The following TMEM245 variants were observed in gnomAD, a reference collection of about 807,000 sequenced individuals.
TMEM245 encodes the protein protein CG-2.
TMEM245 carries 69 observed loss-of-function variants against 101.2 expected under a neutral mutation model. The observed-to-expected ratio is 0.68, with a 90% confidence interval of 0.56 to 0.83. TMEM245 has a LOEUF of 0.83. Ranked by LOEUF, TMEM245 falls within the 40% of genes least tolerant of loss-of-function variation. The probability of loss-of-function intolerance (pLI) is 0.00; values close to 1 mark genes in which losing one functional copy is unlikely to be tolerated. For synonymous variants in TMEM245, 537 were observed against 449.8 expected (o/e 1.19, Z -2.45); for missense variants, 1,075 against 1,092.8 (o/e 0.98, Z 0.23).
chr9:109,057,382 T>A, intron 11 of TMEM245, 60 bp from the exon 12 acceptor site: 1 of 1,569,418 alleles, frequency 6.4e-7, no homozygotes, highest in Non-Finnish European at 8.7e-7. Context: ...ACAGAAAGTA[T>A]AAATGTCACA....
chr9:109,072,612 T>C (rs1168898080), intron 9 of TMEM245, among the ~76,000 whole-genome samples: 2 of 152,206 alleles, frequency 1.3e-5, no homozygotes, highest in African/African-American at 4.8e-5. Flanking sequence ...CTACGGGTGG[T>C]GTTGAGGCTG....
rs374259398 is a variant in TMEM245, at chr9:109,057,230, A to G, written c.1815T>C (p.Ile605=). ...WLGDILDWQD[I]VSFVHENIET... ...CAATGTTCTCGTGAACAAAGGAAAC[A>G]ATATCCTGCCAGTCCAGAATGTCTC... The change falls in exon 12 of 18, where the codon ATT becomes ATC. Residue 605 remains isoleucine, a synonymous_variant. Transcript: ENST00000374586. 46 of 1,613,984 alleles carry G rather than the reference A, an allele frequency of 2.9e-5. No individual in the cohort carries two copies. Among genetic ancestry groups the G allele is most frequent in the Non-Finnish European group, 3.6e-5 (42 of 1,179,968 alleles).
At chr9:109,087,436 A>G in intron 5 of TMEM245, 94 bp from the exon 6 acceptor site, 1 of 1,210,042 alleles carries the variant, frequency 8.3e-7, no homozygotes, top group Non-Finnish European at 1.1e-6. Context: ...CCTTTCTAAA[A>G]CAACAAAGCT....
At chr9:109,109,655 G>A (rs1830517850) in intron 1 of TMEM245, among the ~76,000 whole-genome samples, 1 of 152,008 alleles carries the variant, frequency 6.6e-6, no homozygotes, top group Non-Finnish European at 1.5e-5. Flanking sequence ...ACTAAATAAT[G>A]ATAAATTTTG....
chr9:109,073,859 T>TTTTA (rs1256657198), intron 8 of TMEM245, among the ~76,000 whole-genome samples: 51 of 147,928 alleles, frequency 3.4e-4, no homozygotes, highest in Non-Finnish European at 5.1e-4. Flanking sequence ...TTTTTTTGTT[T>TTTTA]TTTTTTTTTT....
chr9:109,046,578 C>A lies in TMEM245; in HGVS notation c.2123+3705G>T, dbSNP rs563570285. ...AAAGCTTCACGAACAGACACTATCA[C>A]TGTCTGGTCATGCAATTAACCCCCA... On this transcript the variant is annotated intron_variant, in intron 14 of 17. Coordinates refer to ENST00000374586, the MANE Select transcript of TMEM245 (RefSeq NM_032012.4). 2.0e-5 allele frequency among the ~76,000 whole-genome samples: 3 copies of A among 152,294 alleles called. No homozygotes were observed. In the East Asian group the frequency reaches 5.8e-4, roughly 29 times the overall value.
intron 14 of TMEM245, among the ~76,000 whole-genome samples, chr9:109,044,437 G>A (rs1025676817): frequency 4.6e-5 from 7 of 152,180 alleles, no homozygotes; most frequent in Non-Finnish European, 1.0e-4. Flanking sequence ...AAGGAGGAGT[G>A]AAGAGTCCAA....
At chr9:109,047,908 C>G (rs554987780) in intron 14 of TMEM245, among the ~76,000 whole-genome samples, 1 of 152,300 alleles carries the variant, frequency 6.6e-6, no homozygotes, top group African/African-American at 2.4e-5. Flanking sequence ...GATTAGCCTT[C>G]CTTTTTGGTA....
intron 3 of TMEM245, among the ~76,000 whole-genome samples, chr9:109,096,021 G>A (rs571984871): frequency 1.3e-5 from 2 of 152,206 alleles, no homozygotes; most frequent in South Asian, 2.1e-4. Flanking sequence ...TTAAAGAGAC[G>A]TAGAAGAGTC....
At chr9:109,068,231 G>T (rs149442211) in intron 9 of TMEM245, among the ~76,000 whole-genome samples, 1 of 151,944 alleles carries the variant, frequency 6.6e-6, no homozygotes, top group Admixed American at 6.6e-5. Context: ...TTAGCCGGGC[G>T]TGGTGGCAGG....
chr9:109,058,681 T>C (rs1374181028), intron 11 of TMEM245, among the ~76,000 whole-genome samples: 3 of 152,152 alleles, frequency 2.0e-5, no homozygotes, highest in East Asian at 1.9e-4. Context: ...GGTGCAGTCA[T>C]AGCTCACTGC....
chr9:109,019,199 T>C lies in TMEM245; in HGVS notation c.*1261A>G, dbSNP rs1486690871. On this transcript the variant is annotated 3_prime_UTR_variant, in exon 18 of 18. Coordinates refer to ENST00000374586, the MANE Select transcript of TMEM245 (RefSeq NM_032012.4). The stretch of plus-strand genomic sequence containing the variant: ...CAAGTCTTCATTCACAACAAATGGA[T>C]AGCAACACCAATCTCGTAACACTGG... 2 of 152,188 alleles carry C rather than the reference T, an allele frequency of 1.3e-5. 1 individual carries two copies. The highest frequency in any genetic ancestry group is 4.1e-4 in the South Asian group (2 of 4,822). The allele number at this position is 152,188 out of a possible 1,614,324, so 9.4% of individuals were successfully genotyped here. A position where few individuals can be genotyped will look rare whatever the true frequency, so the allele number is the denominator to read the frequency against.
chr9:109,111,434 G>T (rs979409877), intron 1 of TMEM245, among the ~76,000 whole-genome samples: 1 of 152,102 alleles, frequency 6.6e-6, no homozygotes, highest in Non-Finnish European at 1.5e-5. Flanking sequence ...AGTATCATTT[G>T]CAAGGAGAGA....
chr9:109,078,642 A>G (rs1352585053), intron 8 of TMEM245, among the ~76,000 whole-genome samples: 1 of 152,170 alleles, frequency 6.6e-6, no homozygotes, highest in East Asian at 1.9e-4. Flanking sequence ...TGTGATGTGT[A>G]ATTTTTCTCT....
chr9:109,026,226 A>AAC (rs58866040), intron 17 of TMEM245, among the ~76,000 whole-genome samples: 3,155 of 152,274 alleles, frequency 0.021, 109 homozygotes, highest in African/African-American at 0.073. Context: ...CAGTAACAGC[A>AAC]ACTATAGTCA....
chr9:109,037,041 G>A (rs1046878804), intron 15 of TMEM245, among the ~76,000 whole-genome samples: 9 of 152,162 alleles, frequency 5.9e-5, no homozygotes, highest in African/African-American at 1.7e-4. Flanking sequence ...AGAGAAGAAC[G>A]TGAATGAACT....
At chr9:109,063,258 T>C (rs1056164681) in intron 10 of TMEM245, among the ~76,000 whole-genome samples, 9 of 152,092 alleles carry the variant, frequency 5.9e-5, no homozygotes, top group Non-Finnish European at 1.3e-4. Context: ...TAGCTCGGAT[T>C]ACAGGCGTGC....
In TMEM245 at chr9:109,017,131, C is replaced by A. The variant is rs184712675; in HGVS notation, c.*3329G>T. Reference sequence around the variant, plus strand: ...AAATCCAGATAGGTCACAATGGGTTCATGTGAAGATCAAGGTGAGCCAGAA... The same window carrying A: ...AAATCCAGATAGGTCACAATGGGTTAATGTGAAGATCAAGGTGAGCCAGAA... On this transcript the variant is annotated 3_prime_UTR_variant, in exon 18 of 18. Coordinates refer to ENST00000374586, the MANE Select transcript of TMEM245 (RefSeq NM_032012.4). 2.5e-3 allele frequency: 385 copies of A among 152,310 alleles called. 3 individuals carry two copies. Among genetic ancestry groups the A allele is most frequent in the African/African-American group, 8.6e-3 (356 of 41,558 alleles). The allele number at this position is 152,310 out of a possible 1,614,324, so 9.4% of individuals were successfully genotyped here.
chr9:109,103,422 G>A lies in TMEM245; in HGVS notation c.799+3086C>T, dbSNP rs535611842. Among the ~76,000 whole-genome samples the A allele has an allele frequency of 2.6e-5, 4 of 152,290 alleles. No individual in the cohort carries two copies. In the South Asian group the frequency reaches 8.3e-4, roughly 32 times the overall value. On this transcript the variant is annotated intron_variant, in intron 3 of 17. Coordinates refer to ENST00000374586, the MANE Select transcript of TMEM245 (RefSeq NM_032012.4). ...TATACAAAGAAAACTACAAAACACT[G>A]CTGACTCCCATGTTTGTTGCAGCAC... is the stretch of plus-strand genomic sequence containing the variant.
Sources: gnomAD v4.1 joint callset for allele counts (sites outside exome capture counted in the v4.1 genomes callset) on GRCh38, gnomAD v4.1.1 for gene constraint, MANE v1.5 for transcripts, NCBI Gene and HGNC (gene_info 2026-07-23, HGNC 2026-07-21) for gene names.